SEMA5B: variants seen among roughly 807,000 people sequenced by gnomAD.
The protein encoded by SEMA5B is semaphorin 5B.
SEMA5B carries 66 observed loss-of-function variants against 135.0 expected under a neutral mutation model. The observed-to-expected ratio is 0.49, with a 90% CI of 0.40 to 0.60. The LOEUF (loss-of-function observed/expected upper bound fraction) is 0.60, where lower values mean the gene tolerates loss of function less well. SEMA5B is among the 20% of genes least tolerant of loss of function. The pLI is 0.00. For missense variants in SEMA5B, 1,501 were observed against 1,566.3 expected (o/e 0.96, Z 0.70); for synonymous variants, 690 against 639.5 (o/e 1.08, Z -1.19).
At chr3:122,943,070 GC>G (rs1205161302) in intron 4 of SEMA5B, among the ~76,000 whole-genome samples, 1 of 152,178 alleles carries the variant, frequency 6.6e-6, no homozygotes, top group Non-Finnish European at 1.5e-5. Context: ...CCGGCAGGGG[GC>G]CCCTGGGCAC....
chr3:122,943,735 C>A (rs1190169665), intron 3 of SEMA5B, among the ~76,000 whole-genome samples, 200 bp from the exon 4 acceptor site: 1 of 152,138 alleles, frequency 6.6e-6, no homozygotes, highest in Non-Finnish European at 1.5e-5. Flanking sequence ...TGCCACACTC[C>A]TTAGCTCAGA....
intron 2 of SEMA5B, among the ~76,000 whole-genome samples, chr3:122,959,812 ATGG>A (rs2107599696): frequency 6.6e-6 from 1 of 152,324 alleles, no homozygotes; most frequent in South Asian, 2.1e-4. Context: ...AGCATTACAA[ATGG>A]TGGTGGTGGT....
chr3:122,913,122 TC>T, intron 17 of SEMA5B, 61 bp from the exon 18 acceptor site: 1 of 1,417,464 alleles, frequency 7.1e-7, no homozygotes, highest in Non-Finnish European at 9.2e-7. Context: ...GGCCTGGGCC[TC>T]CCCGGGGCTC....
intron 1 of SEMA5B, among the ~76,000 whole-genome samples, chr3:123,001,084 T>TCAAAGTACTCAAAGATCCCCA (rs1410708944): frequency 3.0e-4 from 46 of 152,028 alleles, no homozygotes; most frequent in African/African-American, 1.1e-3. Context: ...CTCAAAGTAC[T>TCAAAGTACTCAAAGATCCCCA]GGGCCCCAGC....
At chr3:122,936,890 G>C (rs1442294074) in intron 5 of SEMA5B, among the ~76,000 whole-genome samples, 1 of 152,184 alleles carries the variant, frequency 6.6e-6, no homozygotes, top group Non-Finnish European at 1.5e-5. Context: ...TTTTCTTTAA[G>C]GAAGAGTGGT....
rs184361305 is a variant in SEMA5B, at chr3:122,995,481, T to C, written c.-39+31983A>G. On this transcript the variant is annotated intron_variant, in intron 1 of 22. Transcript: ENST00000357599. ...CTCTGGGCAGAAGAAGCTGTAATCA[T>C]GGGTCAGCCACAGAGGTCTTGATTC... Among the ~76,000 whole-genome samples the C allele has an allele frequency of 2.4e-4, 37 of 152,340 alleles. 1 individual carries two copies. Among genetic ancestry groups the C allele is most frequent in the East Asian group, 5.8e-4 (3 of 5,188 alleles).
At chr3:122,934,867 C>T (rs1460484195) in intron 5 of SEMA5B, among the ~76,000 whole-genome samples, 1 of 63,050 alleles carries the variant, frequency 1.6e-5, no homozygotes, top group African/African-American at 4.9e-5. Flanking sequence ...GAGTCAGACC[C>T]ACCTCAAAAA....
chr3:122,927,597 A>T (rs1938709080), intron 8 of SEMA5B, among the ~76,000 whole-genome samples, 193 bp downstream of exon 8: 1 of 151,980 alleles, frequency 6.6e-6, no homozygotes, highest in South Asian at 2.1e-4. Context: ...TCGGGACATC[A>T]CCTGTGATTT....
chr3:122,929,676 G>A (rs1938853907), intron 5 of SEMA5B, among the ~76,000 whole-genome samples: 1 of 152,116 alleles, frequency 6.6e-6, no homozygotes, highest in East Asian at 1.9e-4. Flanking sequence ...TTAAGGGCTA[G>A]GACTTCCCCT....
intron 2 of SEMA5B, among the ~76,000 whole-genome samples, chr3:122,955,168 A>G (rs981549633): frequency 2.0e-5 from 3 of 151,284 alleles, no homozygotes. Context: ...ACCTTTAGCC[A>G]TATGCTAAGC....
chr3:122,999,153 C>T (rs926373780), intron 1 of SEMA5B, among the ~76,000 whole-genome samples: 1 of 152,224 alleles, frequency 6.6e-6, no homozygotes, highest in Non-Finnish European at 1.5e-5. Context: ...TATCATCTTT[C>T]ATTTCCCAAA....
chr3:122,943,136 G>A (rs1309860426), intron 4 of SEMA5B, among the ~76,000 whole-genome samples: 4 of 152,146 alleles, frequency 2.6e-5, no homozygotes, highest in African/African-American at 9.7e-5. Flanking sequence ...CTGACAGCCG[G>A]GCAGGGACCA....
chr3:122,930,137 G>T (rs1047609375), intron 5 of SEMA5B, among the ~76,000 whole-genome samples: 47 of 152,350 alleles, frequency 3.1e-4, no homozygotes, highest in African/African-American at 9.9e-4. Context: ...TAGCCATGAA[G>T]TCACTGCCTG....
intron 1 of SEMA5B, chr3:122,992,657 C>G (rs1422460614): frequency 2.6e-5 from 4 of 152,284 alleles, no homozygotes; most frequent in African/African-American, 7.2e-5. Context: ...CCACCCCATC[C>G]AGTTGGCATG....
At chr3:122,946,928 C>T (rs1035468813) in intron 3 of SEMA5B, among the ~76,000 whole-genome samples, 2 of 152,132 alleles carry the variant, frequency 1.3e-5, no homozygotes, top group African/African-American at 4.8e-5. Flanking sequence ...AACCCAGGCA[C>T]ACACAGAAGA....
At chr3:122,917,941 ACT>A (rs1938156704) in intron 12 of SEMA5B, among the ~76,000 whole-genome samples, 1 of 151,862 alleles carries the variant, frequency 6.6e-6, no homozygotes. Flanking sequence ...TGGTTTTGAG[ACT>A]CTGCTTACTG....
intron 2 of SEMA5B, among the ~76,000 whole-genome samples, chr3:122,950,830 C>A (rs1391914108): frequency 6.6e-6 from 1 of 152,208 alleles, no homozygotes. Flanking sequence ...AGGCAGAAAA[C>A]AACCAAATAT....
intron 5 of SEMA5B, among the ~76,000 whole-genome samples, chr3:122,938,681 A>C (rs1576349944): frequency 6.6e-6 from 1 of 152,222 alleles, no homozygotes; most frequent in East Asian, 1.9e-4. Flanking sequence ...TGCTCAATGA[A>C]TGCTTAATCA....
intron 2 of SEMA5B, among the ~76,000 whole-genome samples, chr3:122,959,700 A>G (rs1940490270): frequency 6.6e-6 from 1 of 152,224 alleles, no homozygotes; most frequent in African/African-American, 2.4e-5. Flanking sequence ...CACAGAGAGC[A>G]TGCAGCCATC....
Sources: allele counts gnomAD v4.1 joint callset (sites outside exome capture counted in the v4.1 genomes callset), GRCh38; gene constraint gnomAD v4.1.1; transcripts MANE v1.5; gene names NCBI Gene and HGNC (gene_info 2026-07-23, HGNC 2026-07-21).